Variants in XBP1 observed in about 807,000 individuals in gnomAD.
The protein encoded by XBP1 is X-box-binding protein 1.
Under a neutral mutation model 34.6 loss-of-function variants are expected in XBP1, and 18 were observed. The observed-to-expected ratio is 0.52, with a 90% CI of 0.36 to 0.77. The LOEUF (loss-of-function observed/expected upper bound fraction) is 0.77, where lower values mean the gene tolerates loss of function less well. XBP1 is among the 30% of genes least tolerant of loss of function. XBP1 has a pLI of 0.00. For missense variants in XBP1, 422 were observed against 464.6 expected (o/e 0.91, Z 0.84); for synonymous variants, 191 against 193.4 (o/e 0.99, Z 0.11).
At chr22:28,796,213 GAAT>G in intron 3 of XBP1, 21 bp from the exon 4 acceptor site, 1 of 1,510,436 alleles carries the variant, frequency 6.6e-7, no homozygotes, top group Non-Finnish European at 8.8e-7. Context: ...AGACCAAAGT[GAAT>G]AAACAGCTTC....
exon 4 of XBP1, chr22:28,796,178 C>G (rs750210501): frequency 6.3e-7 from 1 of 1,575,388 alleles, no homozygotes; most frequent in South Asian, 1.2e-5. Context: ...CGGCCACTGG[C>G]CTCACTTCAT....
chr22:28,795,699 C>G (rs777637662), exon 6 of XBP1: 1 of 1,551,258 alleles, frequency 6.4e-7, no homozygotes, highest in East Asian at 2.2e-5. Flanking sequence ...ATGACTGGGT[C>G]CAAGTTGTCC....
chr22:28,797,201 T>C (rs760703860), exon 3 of XBP1: 7 of 1,612,488 alleles, frequency 4.3e-6, no homozygotes, highest in Admixed American at 3.4e-5. Flanking sequence ...CAAAAGTTTT[T>C]GGTTCTGGAA....
intron 2 of XBP1, among the ~76,000 whole-genome samples, chr22:28,797,732 G>A (rs1008688801): frequency 7.2e-5 from 11 of 151,802 alleles, no homozygotes; most frequent in African/African-American, 2.4e-4. Context: ...GCAGTGAGCC[G>A]AGATTGCACC....
upstream of XBP1, chr22:28,800,567 A>G (rs928154518): frequency 2.1e-6 from 3 of 1,459,580 alleles, no homozygotes; most frequent in South Asian, 2.6e-5. Context: ...GCAGCCGCCC[A>G]GCGCCCAGCC....
Position 28,795,735 on chromosome 22 carries a change from G to C in XBP1, c.574-3C>G. On this transcript the variant is annotated splice_region_variant and splice_polypyrimidine_tract_variant and intron_variant, in intron 5 of 5. Coordinates refer to ENST00000344347, the Ensembl canonical transcript of XBP1. ...AGAATGCCCAACAGGATATCAGACTGTAAGAGGCAAAAATTAAATGAAGTA... is the reference window on the plus strand; with the variant it reads ...AGAATGCCCAACAGGATATCAGACTCTAAGAGGCAAAAATTAAATGAAGTA... The C allele has an allele frequency of 6.6e-7, 1 of 1,526,114 alleles. No homozygotes were observed. 94.5% of individuals were successfully genotyped at this position (1,526,114 alleles called of 1,614,324 possible). A position where few individuals can be genotyped will look rare whatever the true frequency, so the allele number is the denominator to read the frequency against.
chr22:28,795,386 T>G (rs1464585594), exon 6 of XBP1: 1 of 1,555,096 alleles, frequency 6.4e-7, no homozygotes, highest in Non-Finnish European at 8.7e-7. Flanking sequence ...GAGGTCATCT[T>G]CTACAGGTTC....
rs983526906 is a variant in XBP1 at position 28,798,182 on chromosome 22, T to A, written c.324+875A>T. Among the ~76,000 whole-genome samples, 5 of 152,106 alleles carry A rather than the reference T, an allele frequency of 3.3e-5. No individual in the cohort carries two copies. In the East Asian group the frequency reaches 9.6e-4, roughly 29 times the overall value. The stretch of plus-strand genomic sequence containing the variant: ...TGCTAATTTCTTACTACAAACTCAA[T>A]AAACATTGTTAAATCCATCTACTTT... On this transcript the variant is annotated intron_variant, in intron 2 of 5. Transcript: ENST00000344347.
At chr22:28,795,322 T>C in exon 6 of XBP1, 1 of 1,552,028 alleles carries the variant, frequency 6.4e-7, no homozygotes, top group Non-Finnish European at 8.7e-7. Flanking sequence ...GGCAGGAAGA[T>C]GGCTTTGGGC....
At chr22:28,795,528 A>G (rs2031731715) in exon 6 of XBP1, 4 of 1,614,006 alleles carry the variant, frequency 2.5e-6, no homozygotes, top group Non-Finnish European at 2.5e-6. Context: ...GGCTTGGTAT[A>G]TATGTGGTCA....
chr22:28,797,070 G>T lies in XBP1; in HGVS notation c.453+7C>A, dbSNP rs182389895. ...ACATGAGGCACCAAATAAAGGAGATGATTTACCTTGGCTTCCGCCTCCTCT... is the reference window on the plus strand; with the variant it reads ...ACATGAGGCACCAAATAAAGGAGATTATTTACCTTGGCTTCCGCCTCCTCT... On this transcript the variant is annotated splice_region_variant and intron_variant, in intron 3 of 5. Transcript: ENST00000344347. 3.6e-5 allele frequency: 57 copies of T among 1,603,612 alleles called. No individual in the cohort carries two copies. In the Admixed American group the frequency reaches 4.5e-4, roughly 13 times the overall value.
chr22:28,799,280 C>A, intron 1 of XBP1, 127 bp from the exon 2 acceptor site: 1 of 637,146 alleles, frequency 1.6e-6, no homozygotes, highest in Admixed American at 3.0e-5. Flanking sequence ...ATAAAATACA[C>A]TTCAGGCTCC....
intron 1 of XBP1, 52 bp downstream of exon 1, chr22:28,800,245 CT>C: frequency 6.5e-7 from 1 of 1,536,506 alleles, no homozygotes; most frequent in Non-Finnish European, 8.8e-7. Flanking sequence ...GCCCCTGCCC[CT>C]GTCCCTAGTC....
intron 3 of XBP1, 56 bp from the exon 4 acceptor site, chr22:28,796,248 C>G: frequency 2.0e-6 from 3 of 1,466,274 alleles, no homozygotes; most frequent in Non-Finnish European, 2.7e-6. Flanking sequence ...GAAATGCTTG[C>G]TAGACAGCTG....
At chr22:28,796,428 T>A in intron 3 of XBP1, 2 of 374,172 alleles carry the variant, frequency 5.3e-6, no homozygotes, top group Non-Finnish European at 4.7e-6. Context: ...GTGCAGGAAA[T>A]GTATAAGGAA....
At chr22:28,799,267 A>T (rs538660453) in intron 1 of XBP1, 114 bp from the exon 2 acceptor site, 1 of 701,260 alleles carries the variant, frequency 1.4e-6, no homozygotes, top group African/African-American at 1.8e-5. Flanking sequence ...AGACAGACTA[A>T]TGATAAAATA....
Position 28,798,558 on chromosome 22 carries a change from C to G in XBP1, c.324+499G>C, listed in dbSNP as rs553998819. ...TCCTGATCTCAAGTTATCTACCCAC[C>G]TTGGCCTCCCAAAGTGCTGGGATTA... On this transcript the variant is annotated intron_variant, in intron 2 of 5. Transcript: ENST00000344347. 2.0e-5 allele frequency among the ~76,000 whole-genome samples: 3 copies of G among 151,950 alleles called. No individual in the cohort carries two copies. The East Asian group carries it at 5.8e-4, about 29-fold the overall frequency.
exon 1 of XBP1, chr22:28,800,519 C>T (rs754441870): frequency 2.7e-6 from 4 of 1,491,020 alleles, no homozygotes; most frequent in South Asian, 2.5e-5. Flanking sequence ...CTGCCACCAC[C>T]ACCATAGCTC....
chr22:28,797,258 A>T (rs1225031564), intron 2 of XBP1, 53 bp from the exon 3 acceptor site: 8 of 1,573,230 alleles, frequency 5.1e-6, no homozygotes, highest in Non-Finnish European at 6.9e-6. Flanking sequence ...TTCAGTTAAG[A>T]ATCTACCTGA....
Sources: allele counts gnomAD v4.1 joint callset (sites outside exome capture counted in the v4.1 genomes callset), GRCh38; gene constraint gnomAD v4.1.1; transcripts MANE v1.5; gene names NCBI Gene and HGNC (gene_info 2026-07-23, HGNC 2026-07-21).